OPCML: variants seen among roughly 807,000 people sequenced by gnomAD.
OPCML encodes opioid binding protein/cell adhesion molecule like.
In OPCML, 13 loss-of-function variants were observed where a neutral mutation model predicts 37.8. The ratio of observed to expected loss-of-function variants is 0.34; its 90% CI spans 0.22 to 0.55. The LOEUF (loss-of-function observed/expected upper bound fraction) is 0.55. Ranked by LOEUF, OPCML falls within the 20% of genes least tolerant of loss-of-function variation. The probability of loss-of-function intolerance (pLI) is 0.91; values close to 1 mark genes in which losing one functional copy is unlikely to be tolerated. For missense variants in OPCML, 341 were observed against 435.6 expected (o/e 0.78, Z 1.93); for synonymous variants, 176 against 168.8 (o/e 1.04, Z -0.33).
chr11:132,625,068 T>C (rs1347380526), intron 3 of OPCML, among the ~76,000 whole-genome samples: 1 of 152,160 alleles, frequency 6.6e-6, no homozygotes, highest in East Asian at 1.9e-4. Flanking sequence ...TAAACCTACT[T>C]TTCTATTATT....
chr11:133,008,732 G>C, intron 1 of OPCML: 1 of 282,190 alleles, frequency 3.5e-6, no homozygotes. Flanking sequence ...TGAGGCCTCT[G>C]ATATGACTGC....
chr11:132,559,147 G>A (rs1233548221), intron 3 of OPCML, among the ~76,000 whole-genome samples: 2 of 151,884 alleles, frequency 1.3e-5, no homozygotes, highest in African/African-American at 4.8e-5. Context: ...AGAGTGAGAG[G>A]GAGAGAGAAG....
Position 132,791,180 on chromosome 11 carries a change from C to T in OPCML, c.147-133861G>A, listed in dbSNP as rs148263101. On this transcript the variant is annotated intron_variant, in intron 2 of 7. Transcript: ENST00000524381. ...CCAGGAAAAGCGGAGCTCAGCTAGACGAACTCGTCCACGATCACACACTGT... is the reference window on the plus strand; with the variant it reads ...CCAGGAAAAGCGGAGCTCAGCTAGATGAACTCGTCCACGATCACACACTGT... 8.1e-3 allele frequency among the ~76,000 whole-genome samples: 1,231 copies of T among 152,280 alleles called. 11 individuals carry two copies. The highest frequency in any genetic ancestry group is 0.027 in the African/African-American group (1,139 of 41,552).
chr11:132,762,136 G>A (rs1203892152), intron 2 of OPCML, among the ~76,000 whole-genome samples: 5 of 152,194 alleles, frequency 3.3e-5, no homozygotes, highest in Admixed American at 6.5e-5. Flanking sequence ...TATCATCAGC[G>A]GGAGCTGCAG....
intron 1 of OPCML, among the ~76,000 whole-genome samples, chr11:133,014,201 C>G (rs1947273994): frequency 6.6e-6 from 1 of 152,184 alleles, no homozygotes; most frequent in African/African-American, 2.4e-5. Flanking sequence ...TCTCTAAAAA[C>G]TAACTGTTCT....
chr11:132,710,680 A>G lies in OPCML; in HGVS notation c.147-53361T>C, dbSNP rs1944224011. ...CCAGCTTGGCCAACATGTATCTACT[A>G]AAAAATACAAAAAAAAAAAAAAAAA... On this transcript the variant is annotated intron_variant, in intron 2 of 7. Transcript: ENST00000524381. Among the ~76,000 whole-genome samples, 5 of 94,316 alleles carry G rather than the reference A, an allele frequency of 5.3e-5. No homozygotes were observed. In the South Asian group the frequency reaches 1.0e-3, roughly 20 times the overall value. The allele number at this position is 94,316 out of a possible 152,430, so 61.9% of individuals were successfully genotyped here. A position where few individuals can be genotyped will look rare whatever the true frequency, so the allele number is the denominator to read the frequency against.
chr11:133,353,861 TGAA>T (rs1944199490), intron 1 of OPCML, among the ~76,000 whole-genome samples: 1 of 152,212 alleles, frequency 6.6e-6, no homozygotes, highest in South Asian at 2.1e-4. Context: ...CTCAGCTATA[TGAA>T]GTTTACCCTT....
chr11:132,519,495 G>A (rs914526207), intron 4 of OPCML, among the ~76,000 whole-genome samples: 1 of 152,052 alleles, frequency 6.6e-6, no homozygotes, highest in Non-Finnish European at 1.5e-5. Context: ...CCCAAAAGGA[G>A]CATAAATGGG....
At chr11:133,049,361 C>T (rs79736944) in intron 1 of OPCML, among the ~76,000 whole-genome samples, 1,684 of 152,240 alleles carry the variant, frequency 0.011, 31 homozygotes, top group African/African-American at 0.038. Context: ...TGTCTCTTAT[C>T]GCGGGCAGCC....
intron 1 of OPCML, among the ~76,000 whole-genome samples, chr11:133,282,240 G>A (rs924636598): frequency 6.6e-6 from 1 of 152,168 alleles, no homozygotes; most frequent in African/African-American, 2.4e-5. Flanking sequence ...AGAAAATAAT[G>A]GTTTCAGGAG....
At chr11:132,993,260 A>G (rs957917341) in intron 1 of OPCML, among the ~76,000 whole-genome samples, 5 of 152,154 alleles carry the variant, frequency 3.3e-5, no homozygotes, top group Non-Finnish European at 7.3e-5. Context: ...GTCAATCTGT[A>G]TACACATGTG....
chr11:132,478,771 A>AT (rs1275116941), intron 4 of OPCML, among the ~76,000 whole-genome samples: 4 of 152,146 alleles, frequency 2.6e-5, no homozygotes, highest in Non-Finnish European at 5.9e-5. Context: ...ACTGGTTTTG[A>AT]TTTACAGTTG....
At chr11:133,235,941 C>A (rs973342329) in intron 1 of OPCML, among the ~76,000 whole-genome samples, 1 of 152,186 alleles carries the variant, frequency 6.6e-6, no homozygotes, top group Non-Finnish European at 1.5e-5. Flanking sequence ...TCCCTGTTAT[C>A]AGCAGGGGAT....
intron 1 of OPCML, among the ~76,000 whole-genome samples, chr11:132,959,124 G>A (rs556274178): frequency 1.1e-4 from 16 of 152,330 alleles, no homozygotes; most frequent in African/African-American, 3.4e-4. Flanking sequence ...CATGGAAGGA[G>A]GTCAAAGTAT....
intron 1 of OPCML, among the ~76,000 whole-genome samples, chr11:132,954,863 T>C (rs553094490): frequency 1.3e-5 from 2 of 151,898 alleles, no homozygotes; most frequent in African/African-American, 2.4e-5. Context: ...GCCAAAAAAA[T>C]AGAAGGAAAC....
chr11:133,057,719 C>T (rs1948266467), intron 1 of OPCML, among the ~76,000 whole-genome samples: 1 of 152,146 alleles, frequency 6.6e-6, no homozygotes. Context: ...GAACTCTGCC[C>T]ACACCTCTGT....
intron 1 of OPCML, among the ~76,000 whole-genome samples, chr11:133,101,292 G>A (rs1949082385): frequency 6.6e-6 from 1 of 152,134 alleles, no homozygotes; most frequent in Admixed American, 6.5e-5. Context: ...ATAAGCTAGA[G>A]TGCATTAAAA....
chr11:132,598,802 T>C (rs892637141), intron 3 of OPCML, among the ~76,000 whole-genome samples: 14 of 152,190 alleles, frequency 9.2e-5, no homozygotes, highest in Admixed American at 8.5e-4. Flanking sequence ...TTTGTGAGCA[T>C]CTTCTAGTTT....
Position 133,141,015 on chromosome 11 carries a change from C to A in OPCML, c.62-198005G>T, listed in dbSNP as rs867603327. On this transcript the variant is annotated intron_variant, in intron 1 of 7. Transcript: ENST00000524381. Reference sequence around the variant, plus strand: ...AAGAAGAAGACGACGACGACGACGACGACGACGACGACGACGACGACGACG... The same window carrying A: ...AAGAAGAAGACGACGACGACGACGAAGACGACGACGACGACGACGACGACG... Among the ~76,000 whole-genome samples the A allele has an allele frequency of 7.7e-3, 59 of 7,664 alleles. 16 individuals are homozygous for A. The highest frequency in any genetic ancestry group is 0.045 in the Middle Eastern group (1 of 22). The allele number at this position is 7,664 out of a possible 152,430, so 5.0% of individuals were successfully genotyped here. A position where few individuals can be genotyped will look rare whatever the true frequency, so the allele number is the denominator to read the frequency against.
Sources: allele counts gnomAD v4.1 joint callset (sites outside exome capture counted in the v4.1 genomes callset), GRCh38; gene constraint gnomAD v4.1.1; transcripts MANE v1.5; gene names NCBI Gene and HGNC (gene_info 2026-07-23, HGNC 2026-07-21).